The following COG4 variants were observed in gnomAD, a reference collection of about 807,000 sequenced individuals.
The protein encoded by COG4 is component of oligomeric golgi complex 4, also known as conserved oligomeric Golgi complex subunit 4.
Under a neutral mutation model 95.1 loss-of-function variants are expected in COG4, and 65 were observed. The ratio of observed to expected loss-of-function variants is 0.68; its 90% CI spans 0.56 to 0.84. The LOEUF (loss-of-function observed/expected upper bound fraction) is 0.84, where lower values mean the gene tolerates loss of function less well. Among genes scored for constraint, COG4 ranks in the 40% least tolerant of loss-of-function variants. COG4 has a pLI of 0.00. For missense variants in COG4, 1,045 were observed against 989.1 expected (o/e 1.06, Z -0.76); for synonymous variants, 421 against 374.8 (o/e 1.12, Z -1.42).
At position 70,483,988 on chromosome 16, in the gene COG4, G is replaced by A; in HGVS notation, c.1711-19C>T. The A allele has an allele frequency of 6.4e-7, 1 of 1,572,244 alleles. No individual in the cohort carries two copies. The highest frequency in any genetic ancestry group is 2.2e-5 in the East Asian group (1 of 44,690). On this transcript the variant is annotated intron_variant, in intron 13 of 18. Transcript: ENST00000323786. ...AGTCACTCTAGGGGAGAACACTGCTGTAAGACCACCGAGCACGCGTGGGCC... is the reference window on the plus strand; with the variant it reads ...AGTCACTCTAGGGGAGAACACTGCTATAAGACCACCGAGCACGCGTGGGCC...
chr16:70,516,264 T>A (rs1019882151), intron 3 of COG4, among the ~76,000 whole-genome samples: 2 of 152,146 alleles, frequency 1.3e-5, no homozygotes, highest in African/African-American at 4.8e-5. Flanking sequence ...TCTTTATATA[T>A]TGCTAGACTT....
rs1229389821 is a variant in COG4 at position 70,523,389 on chromosome 16, C to G, written c.155G>C (p.Arg52Pro). ...ACCCCGCACCTCCTCGCCGCAGAGC[C>G]GTTCGTATACAGCCTCCAGCTCCTG... ...ELQELEAVYERLCGEEKVVER... is the reference protein window; with the variant it reads ...ELQELEAVYEPLCGEEKVVER... Residue 52 changes from arginine to proline, a missense_variant, in exon 1 of 19, where the codon CGG (arginine) becomes CCG (proline). By Grantham distance (103) the Arg-to-Pro change is moderately radical. Coordinates refer to ENST00000323786, the MANE Select transcript of COG4 (RefSeq NM_015386.3). 3.7e-6 allele frequency: 6 copies of G among 1,614,054 alleles called. No individual in the cohort carries two copies. Among genetic ancestry groups the G allele is most frequent in the Non-Finnish European group, 4.2e-6 (5 of 1,180,036 alleles).
rs387907203 is a variant in COG4 at position 70,481,062 on chromosome 16, A to G, written c.2318T>C (p.Leu773Pro). The G allele has an allele frequency of 2.5e-6, 4 of 1,613,228 alleles. No homozygotes were observed. The highest frequency in any genetic ancestry group is 3.4e-6 in the Non-Finnish European group (4 of 1,180,038). Residue 773 changes from leucine (L) to proline (P), a missense_variant, in exon 19 of 19, where the codon CTG (leucine) becomes CCG (proline). Leu to Pro is a moderately conservative substitution (Grantham distance 98). Transcript: ENST00000323786. ...RLTPAEVRQV[L>P]ALRIDFRSED... ...ACTGCGGAAGTCTATCCGCAGGGCC[A>G]GCACCTGGCGCACTTCAGCAGGGGT...
chr16:70,495,246 A>C (rs906338561), intron 12 of COG4, among the ~76,000 whole-genome samples: 5 of 150,248 alleles, frequency 3.3e-5, no homozygotes, highest in South Asian at 2.1e-4. Flanking sequence ...AAAAAAAAAA[A>C]ATTAGCCAGG....
chr16:70,513,511 C>T (rs61692284), intron 4 of COG4, among the ~76,000 whole-genome samples: 25,652 of 151,968 alleles, frequency 0.17, 7,185 homozygotes, highest in African/African-American at 0.58. Context: ...TGTTTTCTCC[C>T]ATACATACAT....
chr16:70,486,085 T>C lies in COG4; in HGVS notation c.1711-2116A>G, dbSNP rs548625028. ...TAATTTTTTGTATTTTTAGTAGAGA[T>C]GGGGTTTCACCGTGTTAGCCAGGAT... On this transcript the variant is annotated intron_variant, in intron 13 of 18. Transcript: ENST00000323786. Among the ~76,000 whole-genome samples the C allele has an allele frequency of 5.7e-4, 87 of 151,750 alleles. 1 individual carries two copies. Among genetic ancestry groups the C allele is most frequent in the South Asian group, 1.0e-3 (5 of 4,808 alleles).
chr16:70,519,686 T>A lies in COG4; in HGVS notation c.217A>T (p.Thr73Ser). ...AGAGTGACCATCTTACTTTCAATGG[T>A]GTTTTGCTGTTCCAAAAGAGCATCC... ...ELDALLEQQN[T>S]IESKMVTLHR... Residue 73 changes from threonine to serine, a missense_variant, in exon 2 of 19, where the codon ACC (threonine) becomes TCC (serine). Thr to Ser is a moderately conservative substitution (Grantham distance 58). Transcript: ENST00000323786. The A allele has an allele frequency of 6.2e-7, 1 of 1,614,004 alleles. No homozygotes were observed. Among genetic ancestry groups the A allele is most frequent in the African/African-American group, 1.3e-5 (1 of 75,056 alleles).
At chr16:70,522,995 G>A (rs768944426) in intron 1 of COG4, 19 of 271,374 alleles carry the variant, frequency 7.0e-5, no homozygotes, top group African/African-American at 3.8e-4. Flanking sequence ...ATAACAGGAT[G>A]AGAGCGTTTC....
At chr16:70,501,174 T>TC (rs1489525151) in intron 8 of COG4, 83 bp from the exon 9 acceptor site, 4 of 1,501,080 alleles carry the variant, frequency 2.7e-6, no homozygotes, top group Admixed American at 3.4e-5. Context: ...AGTCCCAAAT[T>TC]CCCCCTCCCC....
intron 11 of COG4, 140 bp from the exon 12 acceptor site, chr16:70,496,571 A>G: frequency 1.3e-6 from 1 of 772,132 alleles, no homozygotes; most frequent in Non-Finnish European, 2.2e-6. Context: ...CCACTGTAGG[A>G]GACCTGAGGA....
Position 70,500,928 on chromosome 16 carries a change from C to T in COG4, c.1195+30G>A, listed in dbSNP as rs373759374. The T allele has an allele frequency of 8.1e-5, 130 of 1,613,642 alleles. No homozygotes were observed. The African/African-American group carries it at 1.5e-3, about 19-fold the overall frequency. On this transcript the variant is annotated intron_variant, in intron 9 of 18. Transcript: ENST00000323786. ...GAAACACTGCCAATTATACCTCAAC[C>T]CTCCCCAAAAATATGGGAAACGTTT...
intron 12 of COG4, among the ~76,000 whole-genome samples, chr16:70,493,984 G>A (rs1425766886): frequency 6.6e-6 from 1 of 152,166 alleles, no homozygotes; most frequent in African/African-American, 2.4e-5. Flanking sequence ...AGAACCCCAG[G>A]GGCTGTGATT....
chr16:70,506,349 G>A (rs1168973197), intron 8 of COG4, among the ~76,000 whole-genome samples: 1 of 151,898 alleles, frequency 6.6e-6, no homozygotes, highest in Non-Finnish European at 1.5e-5. Context: ...CTTGCAGGGA[G>A]CCGAGATCGT....
At chr16:70,499,990 T>C (rs2049415633) in intron 9 of COG4, among the ~76,000 whole-genome samples, 1 of 151,814 alleles carries the variant, frequency 6.6e-6, no homozygotes, top group African/African-American at 2.4e-5. Context: ...TATCTTTTAT[T>C]ATTTAATTTA....
At chr16:70,481,656 G>A in intron 17 of COG4, 108 bp downstream of exon 17, 1 of 1,334,214 alleles carries the variant, frequency 7.5e-7, no homozygotes, top group Non-Finnish European at 1.1e-6. Flanking sequence ...AGACATGCAG[G>A]GCCTGTGGGC....
At chr16:70,482,375 C>T (rs2049017067) in intron 15 of COG4, 200 bp from the exon 16 acceptor site, 2 of 649,714 alleles carry the variant, frequency 3.1e-6, no homozygotes, top group Non-Finnish European at 2.8e-6. Flanking sequence ...TAGCAGTGGC[C>T]CACATAACAT....
intron 1 of COG4, among the ~76,000 whole-genome samples, chr16:70,520,394 G>C (rs2049915568): frequency 8.8e-6 from 1 of 114,276 alleles, no homozygotes. Flanking sequence ...GGGGGGCGGA[G>C]CTTGCAGTGA....
intron 1 of COG4, among the ~76,000 whole-genome samples, chr16:70,521,041 C>T (rs924243994): frequency 1.3e-5 from 2 of 152,106 alleles, no homozygotes; most frequent in African/African-American, 4.8e-5. Context: ...GCGTGCACAA[C>T]CCTGGTCCAC....
At chr16:70,516,257 T>A (rs1450927507) in intron 3 of COG4, among the ~76,000 whole-genome samples, 2 of 152,238 alleles carry the variant, frequency 1.3e-5, no homozygotes, top group Admixed American at 1.3e-4. Context: ...ATAATCCTCT[T>A]TATATATTGC....
Sources: allele counts gnomAD v4.1 joint callset (sites outside exome capture counted in the v4.1 genomes callset), GRCh38; gene constraint gnomAD v4.1.1; transcripts MANE v1.5; gene names NCBI Gene and HGNC (gene_info 2026-07-23, HGNC 2026-07-21).